TES: variants seen among roughly 807,000 people sequenced by gnomAD.
The protein encoded by TES is testin.
A neutral mutation model predicts 48.2 loss-of-function variants in TES; 41 were observed. The ratio of observed to expected loss-of-function variants is 0.85; its 90% CI spans 0.66 to 1.10. TES has a LOEUF of 1.10. TES is among the 50% of genes least tolerant of loss of function. The pLI, the probability that TES is intolerant of heterozygous loss-of-function variation, is 0.00. For missense variants in TES, 463 were observed against 515.1 expected, an observed-to-expected ratio of 0.90 and a Z score of 0.98; for synonymous variants, 162 against 174.9, an observed-to-expected ratio of 0.93 and a Z score of 0.58.
chr7:116,216,403 C>T (rs975627751), intron 1 of TES, among the ~76,000 whole-genome samples: 12 of 151,998 alleles, frequency 7.9e-5, no homozygotes, highest in South Asian at 2.1e-4. Context: ...TTGGTAGATC[C>T]GAGTCCACTA....
chr7:116,247,217 A>C (rs1382574231), intron 2 of TES, among the ~76,000 whole-genome samples: 1 of 152,120 alleles, frequency 6.6e-6, no homozygotes, highest in African/African-American at 2.4e-5. Context: ...ATTGAGAAAA[A>C]AATGAGAAAG....
intron 6 of TES, among the ~76,000 whole-genome samples, chr7:116,256,505 C>G (rs1301949303): frequency 6.6e-6 from 1 of 152,146 alleles, no homozygotes; most frequent in Non-Finnish European, 1.5e-5. Context: ...TTCAGAGGTC[C>G]GAACTGGTTT....
intron 2 of TES, among the ~76,000 whole-genome samples, chr7:116,240,583 C>T (rs184551551): frequency 6.6e-6 from 1 of 152,196 alleles, no homozygotes; most frequent in East Asian, 1.9e-4. Context: ...AATAACCCTC[C>T]TCCATCCCCA....
At chr7:116,215,955 A>C (rs1472192202) in intron 1 of TES, among the ~76,000 whole-genome samples, 1 of 152,180 alleles carries the variant, frequency 6.6e-6, no homozygotes, top group Non-Finnish European at 1.5e-5. Context: ...CCCATTCTTC[A>C]TGCAAAAACA....
chr7:116,234,402 A>T, intron 1 of TES, 132 bp from the exon 2 acceptor site: 1 of 718,726 alleles, frequency 1.4e-6, no homozygotes, highest in East Asian at 2.7e-5. Context: ...GGGTATCATC[A>T]TTGACTAAAT....
Position 116,257,520 on chromosome 7 carries a change from A to G in TES, c.*38A>G. The G allele has an allele frequency of 1.0e-5, 15 of 1,451,858 alleles. No homozygotes were observed. The highest frequency in any genetic ancestry group is 1.4e-5 in the Non-Finnish European group (15 of 1,092,500). 89.9% of individuals were successfully genotyped at this position (1,451,858 alleles called of 1,614,324 possible). ...CAGAAGTATCGAGCCATAGCTATCC[A>G]AAGTGGTCTGCATTTCTACTGTAAA... On this transcript the variant is annotated 3_prime_UTR_variant, in exon 7 of 7. Transcript: ENST00000358204.
At chr7:116,234,683 G>A (rs911829200) in intron 2 of TES, 64 bp downstream of exon 2, 9 of 1,348,966 alleles carry the variant, frequency 6.7e-6, no homozygotes, top group East Asian at 2.3e-5. Context: ...TCCTCAGACA[G>A]TGGAGATATC....
intron 4 of TES, 78 bp downstream of exon 4, chr7:116,250,574 G>T: frequency 8.6e-7 from 1 of 1,163,078 alleles, no homozygotes; most frequent in Non-Finnish European, 1.1e-6. Context: ...ACTTTTTTGG[G>T]GACTATTCCT....
chr7:116,254,255 G>T (rs1410250392), intron 6 of TES, among the ~76,000 whole-genome samples: 1 of 151,660 alleles, frequency 6.6e-6, no homozygotes, highest in Non-Finnish European at 1.5e-5. Context: ...TTTCTATTCT[G>T]TTCCCAACAC....
intron 6 of TES, chr7:116,252,842 A>G (rs1237061158): frequency 4.2e-6 from 1 of 236,962 alleles, no homozygotes; most frequent in Non-Finnish European, 8.5e-6. Flanking sequence ...CTATTTGAAT[A>G]TGATGCTTTC....
At chr7:116,235,048 A>T (rs1330965499) in intron 2 of TES, among the ~76,000 whole-genome samples, 1 of 152,164 alleles carries the variant, frequency 6.6e-6, no homozygotes, top group African/African-American at 2.4e-5. Context: ...GGTTCAAGCG[A>T]TTCTCTTGCC....
chr7:116,214,960 C>T (rs747814274), intron 1 of TES, among the ~76,000 whole-genome samples: 18 of 152,138 alleles, frequency 1.2e-4, no homozygotes, highest in Non-Finnish European at 7.4e-5. Context: ...GGACACTAAT[C>T]ACTCTCCACC....
Position 116,233,934 on chromosome 7 carries a change from G to A in TES, c.28-600G>A, listed in dbSNP as rs552434159. On this transcript the variant is annotated intron_variant, in intron 1 of 6. Transcript: ENST00000358204. Reference sequence around the variant, plus strand: ...CATCAATGAGGGTGGAGCCCTCATTGCTAACTGCCTAATCATTTCATAAAG... The same window carrying A: ...CATCAATGAGGGTGGAGCCCTCATTACTAACTGCCTAATCATTTCATAAAG... 3.3e-5 allele frequency among the ~76,000 whole-genome samples: 5 copies of A among 152,210 alleles called. No individual in the cohort carries two copies. The South Asian group carries it at 1.0e-3, about 32-fold the overall frequency.
At position 116,250,501 on chromosome 7, in the gene TES, G is replaced by A. The variant is rs1445877885; in HGVS notation, c.702+5G>A. On this transcript the variant is annotated splice_donor_5th_base_variant and intron_variant, in intron 4 of 6. Coordinates refer to ENST00000358204, the MANE Select transcript of TES (RefSeq NM_015641.4). Reference sequence around the variant, plus strand: ...GAGCACAAAAGAACTCAATATGTAAGTAGAGTGGTCACACTGTTAGCCTGA... The same window carrying A: ...GAGCACAAAAGAACTCAATATGTAAATAGAGTGGTCACACTGTTAGCCTGA... 6.6e-7 allele frequency: 1 copy of A among 1,512,370 alleles called. No individual in the cohort carries two copies. Among genetic ancestry groups the A allele is most frequent in the Non-Finnish European group, 8.8e-7 (1 of 1,132,264 alleles). 93.7% of individuals were successfully genotyped at this position (1,512,370 alleles called of 1,614,324 possible). A position where few individuals can be genotyped will look rare whatever the true frequency, so the allele number is the denominator to read the frequency against.
chr7:116,227,372 T>C (rs1363154303), intron 1 of TES, among the ~76,000 whole-genome samples: 2 of 152,118 alleles, frequency 1.3e-5, no homozygotes, highest in Non-Finnish European at 1.5e-5. Context: ...TCCACCCGCC[T>C]CAGCCTCCCA....
At chr7:116,235,069 G>A (rs184220671) in intron 2 of TES, among the ~76,000 whole-genome samples, 30 of 152,202 alleles carry the variant, frequency 2.0e-4, no homozygotes, top group Non-Finnish European at 3.2e-4. Context: ...TTAGCCTCCT[G>A]AATAGCTGAG....
chr7:116,252,063 A>AC, intron 5 of TES, 88 bp downstream of exon 5: 1 of 1,340,992 alleles, frequency 7.5e-7, no homozygotes. Flanking sequence ...ACTTGACCAA[A>AC]CAGCAGTTGC....
chr7:116,231,719 T>C (rs1201772296), intron 1 of TES, among the ~76,000 whole-genome samples: 2 of 152,226 alleles, frequency 1.3e-5, no homozygotes, highest in Non-Finnish European at 2.9e-5. Flanking sequence ...TGAAGCCTCC[T>C]GGTAGCAGGT....
At chr7:116,252,604 C>A in intron 6 of TES, 128 bp downstream of exon 6, 1 of 1,314,620 alleles carries the variant, frequency 7.6e-7, no homozygotes, top group Non-Finnish European at 1.1e-6. Flanking sequence ...ATTATTCCTA[C>A]CACAGGGTGT....
Sources: allele counts gnomAD v4.1 joint callset (sites outside exome capture counted in the v4.1 genomes callset), GRCh38; gene constraint gnomAD v4.1.1; transcripts MANE v1.5; gene names NCBI Gene and HGNC (gene_info 2026-07-23, HGNC 2026-07-21).